The following SMC1B variants were observed in gnomAD, a reference collection of about 807,000 sequenced individuals.
The protein encoded by SMC1B is structural maintenance of chromosomes protein 1B.
SMC1B carries 60 observed loss-of-function variants against 157.9 expected under a neutral mutation model. The ratio of observed to expected loss-of-function variants is 0.38; its 90% CI spans 0.31 to 0.47. SMC1B has a LOEUF of 0.47. SMC1B is among the 20% of genes least tolerant of loss of function. SMC1B has a pLI of 0.99. For synonymous variants in SMC1B, 445 were observed against 483.0 expected, an observed-to-expected ratio of 0.92 and a Z score of 1.03; for missense variants, 1,165 against 1,426.2, an observed-to-expected ratio of 0.82 and a Z score of 2.95.
At chr22:45,363,408 G>A (rs964582796) in intron 15 of SMC1B, among the ~76,000 whole-genome samples, 10 of 152,156 alleles carry the variant, frequency 6.6e-5, no homozygotes, top group South Asian at 2.1e-4. Context: ...TATTCTGGGC[G>A]CAGTGGCTCA....
intron 1 of SMC1B, among the ~76,000 whole-genome samples, chr22:45,409,980 C>T (rs1181425742): frequency 5.3e-5 from 8 of 152,240 alleles, no homozygotes; most frequent in East Asian, 3.9e-4. Context: ...GACAATCTCC[C>T]GATAAAAACG....
chr22:45,345,264 C>T (rs1270281671), intron 24 of SMC1B, among the ~76,000 whole-genome samples, 195 bp downstream of exon 24: 1 of 152,140 alleles, frequency 6.6e-6, no homozygotes, highest in African/African-American at 2.4e-5. Flanking sequence ...TTGCTTTTTT[C>T]ACTTAAAATA....
At chr22:45,407,843 G>A (rs1364289430) in intron 2 of SMC1B, among the ~76,000 whole-genome samples, 2 of 152,082 alleles carry the variant, frequency 1.3e-5, no homozygotes, top group South Asian at 2.1e-4. Context: ...ATTGATCAAA[G>A]GCTCAAAAGA....
At chr22:45,357,525 T>A (rs183297863) in intron 19 of SMC1B, among the ~76,000 whole-genome samples, 4 of 152,354 alleles carry the variant, frequency 2.6e-5, no homozygotes, top group African/African-American at 9.6e-5. Flanking sequence ...TGGTTACTTT[T>A]GTTTATTGAA....
chr22:45,355,433 C>G (rs905579829), intron 19 of SMC1B, among the ~76,000 whole-genome samples: 2 of 152,178 alleles, frequency 1.3e-5, no homozygotes, highest in Non-Finnish European at 2.9e-5. Flanking sequence ...ATGATGGAAG[C>G]TATTCAGTCT....
intron 1 of SMC1B, among the ~76,000 whole-genome samples, chr22:45,413,184 C>G (rs1211190533): frequency 6.6e-6 from 1 of 150,852 alleles, no homozygotes; most frequent in African/African-American, 2.4e-5. Context: ...GGGCCCGAGG[C>G]GGGGCCGAGT....
chr22:45,361,073 C>A (rs2086717220), intron 17 of SMC1B, among the ~76,000 whole-genome samples: 1 of 151,588 alleles, frequency 6.6e-6, no homozygotes, highest in Non-Finnish European at 1.5e-5. Flanking sequence ...GTAATACTTA[C>A]AACGATTCTG....
intron 5 of SMC1B, among the ~76,000 whole-genome samples, chr22:45,400,287 T>C (rs1413989075): frequency 3.3e-5 from 5 of 151,970 alleles, no homozygotes; most frequent in Non-Finnish European, 7.4e-5. Context: ...ATGCTTGGAC[T>C]GGCTTATACA....
intron 6 of SMC1B, among the ~76,000 whole-genome samples, chr22:45,398,766 T>C (rs768080503): frequency 3.6e-4 from 54 of 151,686 alleles, no homozygotes; most frequent in Non-Finnish European, 6.8e-4. Context: ...AAGGCGGAGG[T>C]TGCAGTGAGC....
At chr22:45,393,118 C>T (rs1602086082) in intron 9 of SMC1B, among the ~76,000 whole-genome samples, 1 of 152,122 alleles carries the variant, frequency 6.6e-6, no homozygotes, top group South Asian at 2.1e-4. Flanking sequence ...TCAGATGCCA[C>T]CCCGATACAA....
At position 45,399,481 on chromosome 22, in the gene SMC1B, G is replaced by C. The variant is rs563568872; in HGVS notation, c.855-128C>G. The C allele has an allele frequency of 3.4e-6, 3 of 887,192 alleles. No individual in the cohort carries two copies. In the East Asian group the frequency reaches 8.0e-5, roughly 24 times the overall value. The allele number at this position is 887,192 out of a possible 1,614,324, so 55.0% of individuals were successfully genotyped here. ...AATCAACTTTCAGAGACTGTAAGCAGATCAATGGTTGCCAAAGGTTGAGCA... is the reference window on the plus strand; with the variant it reads ...AATCAACTTTCAGAGACTGTAAGCACATCAATGGTTGCCAAAGGTTGAGCA... On this transcript the variant is annotated intron_variant, in intron 5 of 24. Coordinates refer to ENST00000357450, the MANE Select transcript of SMC1B (RefSeq NM_148674.5).
At chr22:45,349,599 G>C in intron 23 of SMC1B, 129 bp downstream of exon 23, 1 of 640,992 alleles carries the variant, frequency 1.6e-6, no homozygotes, top group Non-Finnish European at 2.7e-6. Context: ...CTCCCATAGT[G>C]CTGGGATTAC....
intron 12 of SMC1B, 57 bp downstream of exon 12, chr22:45,383,410 G>C: frequency 7.3e-7 from 1 of 1,362,034 alleles, no homozygotes. Flanking sequence ...AACCCACCTA[G>C]TTTAAAAACA....
chr22:45,402,473 C>T lies in SMC1B; in HGVS notation c.714G>A (p.Leu238=), dbSNP rs1165377418. The change falls in exon 5 of 25, where the codon CTG becomes CTA. Residue 238 remains leucine (L), a synonymous_variant. Transcript: ENST00000357450. ...LYHNEKKIHL[L]NTKLEHVNRD... The stretch of plus-strand genomic sequence containing the variant: ...TATTCACATGCTCTAACTTGGTGTT[C>T]AGGAGATGAATCTTTTTCTCATTAT... 2 of 1,613,746 alleles carry T rather than the reference C, an allele frequency of 1.2e-6. No individual in the cohort carries two copies. The highest frequency in any genetic ancestry group is 1.1e-5 in the South Asian group (1 of 91,074).
intron 13 of SMC1B, 84 bp from the exon 14 acceptor site, chr22:45,371,671 G>T: frequency 6.9e-7 from 1 of 1,444,852 alleles, no homozygotes; most frequent in Non-Finnish European, 9.2e-7. Context: ...GTATCTTTTG[G>T]AATAAAAGAA....
chr22:45,370,921 A>G (rs1411072134), intron 14 of SMC1B, among the ~76,000 whole-genome samples: 1 of 152,246 alleles, frequency 6.6e-6, no homozygotes, highest in Non-Finnish European at 1.5e-5. Context: ...GGTAAACGTC[A>G]GGCCTAAAAG....
chr22:45,368,520 T>G (rs1440433635), intron 15 of SMC1B, among the ~76,000 whole-genome samples: 1 of 151,632 alleles, frequency 6.6e-6, no homozygotes, highest in Non-Finnish European at 1.5e-5. Flanking sequence ...TGAAATAGTT[T>G]TTTTTTTTTT....
Position 45,360,015 on chromosome 22 carries a change from G to C in SMC1B, c.2709-57C>G, listed in dbSNP as rs2086706362. On this transcript the variant is annotated intron_variant, in intron 17 of 24. Transcript: ENST00000357450. ...TACTCATTATGTAACACTGCACCAA[G>C]GAAGAAAAATGTATGCTATAAACTT... 4 of 1,357,266 alleles carry C rather than the reference G, an allele frequency of 2.9e-6. No homozygotes were observed. In the Admixed American group the frequency reaches 6.0e-5, roughly 21 times the overall value. 84.1% of individuals were successfully genotyped at this position (1,357,266 alleles called of 1,614,324 possible). A position where few individuals can be genotyped will look rare whatever the true frequency, so the allele number is the denominator to read the frequency against.
At chr22:45,373,802 A>G (rs2086857262) in intron 12 of SMC1B, among the ~76,000 whole-genome samples, 1 of 152,214 alleles carries the variant, frequency 6.6e-6, no homozygotes, top group Non-Finnish European at 1.5e-5. Context: ...TTTCATAAAT[A>G]ATCTAGGTAA....
Sources: gnomAD v4.1 joint callset for allele counts (sites outside exome capture counted in the v4.1 genomes callset) on GRCh38, gnomAD v4.1.1 for gene constraint, MANE v1.5 for transcripts, NCBI Gene and HGNC (gene_info 2026-07-23, HGNC 2026-07-21) for gene names.